CSMD3: variants seen among roughly 807,000 people sequenced by gnomAD.
CSMD3 encodes CUB and sushi domain-containing protein 3.
In CSMD3, 177 loss-of-function variants were observed where a neutral mutation model predicts 435.2. That is an observed-to-expected ratio of 0.41 (90% CI 0.36 to 0.46). The LOEUF (loss-of-function observed/expected upper bound fraction) is 0.46. Ranked by LOEUF, CSMD3 falls within the 20% of genes least tolerant of loss-of-function variation. The pLI is 0.34. For synonymous variants in CSMD3, 1,656 were observed against 1,520.5 expected (o/e 1.09, Z -2.07); for missense variants, 4,265 against 4,504.6 (o/e 0.95, Z 1.52).
At chr8:112,277,230 A>G (rs1262365341) in intron 59 of CSMD3, among the ~76,000 whole-genome samples, 1 of 152,112 alleles carries the variant, frequency 6.6e-6, no homozygotes, top group African/African-American at 2.4e-5. Context: ...CAGCACCTGA[A>G]TCACCTCCTG....
At chr8:112,409,362 A>G (rs564037217) in intron 32 of CSMD3, among the ~76,000 whole-genome samples, 1 of 152,028 alleles carries the variant, frequency 6.6e-6, no homozygotes, top group Admixed American at 6.6e-5. Context: ...GCTTTTCTCA[A>G]TGGTGGTTTG....
chr8:112,488,200 T>C (rs1820327700), intron 31 of CSMD3, among the ~76,000 whole-genome samples: 1 of 152,198 alleles, frequency 6.6e-6, no homozygotes, highest in South Asian at 2.1e-4. Context: ...CATATACACT[T>C]AATCCTAAAT....
At chr8:113,423,213 T>A (rs2094617833) in intron 1 of CSMD3, among the ~76,000 whole-genome samples, 1 of 152,098 alleles carries the variant, frequency 6.6e-6, no homozygotes, top group South Asian at 2.1e-4. Context: ...AGTGTCACAT[T>A]CTTGAGTATT....
chr8:112,798,029 T>G (rs2132319898), intron 13 of CSMD3, among the ~76,000 whole-genome samples: 1 of 151,992 alleles, frequency 6.6e-6, no homozygotes, highest in East Asian at 1.9e-4. Flanking sequence ...TAAGATATAT[T>G]TTCTATTTAG....
chr8:112,712,479 G>T (rs949829310), intron 13 of CSMD3, among the ~76,000 whole-genome samples: 14 of 152,118 alleles, frequency 9.2e-5, no homozygotes, highest in African/African-American at 3.4e-4. Flanking sequence ...GGGACAGTGA[G>T]GAGATTGTCA....
intron 45 of CSMD3, among the ~76,000 whole-genome samples, chr8:112,328,563 C>A (rs1823732399): frequency 6.6e-6 from 1 of 152,142 alleles, no homozygotes; most frequent in South Asian, 2.1e-4. Context: ...AAGAAAGTTT[C>A]TATCATGAGG....
intron 3 of CSMD3, among the ~76,000 whole-genome samples, chr8:113,258,259 C>A (rs959967943): frequency 2.6e-5 from 4 of 152,084 alleles, no homozygotes; most frequent in Non-Finnish European, 5.9e-5. Context: ...GGACTGTATT[C>A]CATGCCATTT....
At chr8:112,385,130 CAA>C (rs1829817804) in intron 36 of CSMD3, among the ~76,000 whole-genome samples, 1 of 152,024 alleles carries the variant, frequency 6.6e-6, no homozygotes, top group Non-Finnish European at 1.5e-5. Flanking sequence ...TAAAAAAGTT[CAA>C]AAGAGTAGAG....
chr8:113,186,142 A>G (rs1479367166), intron 3 of CSMD3, among the ~76,000 whole-genome samples: 3 of 152,030 alleles, frequency 2.0e-5, no homozygotes, highest in Non-Finnish European at 4.4e-5. Context: ...CCTTCCATGC[A>G]TGGAAAAGGG....
chr8:112,847,682 C>G lies in CSMD3; in HGVS notation c.1755+11463G>C, dbSNP rs529850830. ...TGAGGTTTCAGACCTGGCACTGAAG[C>G]TTGGCACAAGTACCAAATCTCCAAA... On this transcript the variant is annotated intron_variant, in intron 11 of 70. Coordinates refer to ENST00000297405, the MANE Select transcript of CSMD3 (RefSeq NM_198123.2). Among the ~76,000 whole-genome samples the G allele has an allele frequency of 2.6e-5, 4 of 152,230 alleles. No homozygotes were observed. In the South Asian group the frequency reaches 8.3e-4, roughly 32 times the overall value.
intron 4 of CSMD3, among the ~76,000 whole-genome samples, chr8:113,127,794 C>T (rs2091177279): frequency 6.6e-6 from 1 of 152,084 alleles, no homozygotes; most frequent in Admixed American, 6.6e-5. Context: ...GGATCAACAT[C>T]TTAATTATTT....
At chr8:113,257,087 A>G (rs2093387405) in intron 3 of CSMD3, among the ~76,000 whole-genome samples, 1 of 152,148 alleles carries the variant, frequency 6.6e-6, no homozygotes. Context: ...TAAGTGTTTA[A>G]CAACTGGCTC....
chr8:113,195,166 C>A (rs1345910121), intron 3 of CSMD3, among the ~76,000 whole-genome samples: 2 of 147,320 alleles, frequency 1.4e-5, no homozygotes, highest in African/African-American at 4.9e-5. Context: ...TTCTTTCTTA[C>A]AAAAAACACT....
chr8:113,208,288 A>T (rs953204644), intron 3 of CSMD3, among the ~76,000 whole-genome samples: 1 of 152,124 alleles, frequency 6.6e-6, no homozygotes, highest in African/African-American at 2.4e-5. Flanking sequence ...GGACCAGAGA[A>T]TCAGACTTTC....
intron 1 of CSMD3, among the ~76,000 whole-genome samples, chr8:113,344,718 G>T (rs2094141014): frequency 6.6e-6 from 1 of 152,042 alleles, no homozygotes. Context: ...CCAGCAACTG[G>T]TGTTCATAAA....
chr8:113,180,465 G>T (rs1312782757), intron 3 of CSMD3, among the ~76,000 whole-genome samples: 8 of 151,886 alleles, frequency 5.3e-5, no homozygotes, highest in Non-Finnish European at 1.0e-4. Flanking sequence ...ACATAAAACT[G>T]AATGAAATTT....
At chr8:112,550,060 T>G (rs1241831007) in intron 27 of CSMD3, among the ~76,000 whole-genome samples, 1 of 152,028 alleles carries the variant, frequency 6.6e-6, no homozygotes, top group Non-Finnish European at 1.5e-5. Flanking sequence ...CTAAAATTTC[T>G]TTTACAGAAC....
intron 5 of CSMD3, among the ~76,000 whole-genome samples, chr8:113,028,228 C>G (rs1180186956): frequency 1.3e-5 from 2 of 151,892 alleles, no homozygotes; most frequent in African/African-American, 4.8e-5. Context: ...CTTCTAATTG[C>G]TTTTGGGTGT....
intron 4 of CSMD3, among the ~76,000 whole-genome samples, chr8:113,124,717 T>C (rs1172354777): frequency 1.3e-5 from 2 of 151,964 alleles, no homozygotes; most frequent in African/African-American, 2.4e-5. Context: ...TCACATGTTG[T>C]GGTAGTTGAA....
Sources: allele counts gnomAD v4.1 joint callset (sites outside exome capture counted in the v4.1 genomes callset), GRCh38; gene constraint gnomAD v4.1.1; transcripts MANE v1.5; gene names NCBI Gene and HGNC (gene_info 2026-07-23, HGNC 2026-07-21).